Variants in MPP4 observed in about 807,000 individuals in gnomAD.
MPP4 encodes the protein MAGUK p55 subfamily member 4.
A neutral mutation model predicts 98.3 loss-of-function variants in MPP4; 91 were observed. The observed-to-expected ratio is 0.93, with a 90% CI of 0.78 to 1.10. The LOEUF (loss-of-function observed/expected upper bound fraction) is 1.10. MPP4 is among the 50% of genes least tolerant of loss of function. The pLI is 0.00. For synonymous variants in MPP4, 261 were observed against 271.8 expected (o/e 0.96, Z 0.39); for missense variants, 744 against 792.9 (o/e 0.94, Z 0.74).
chr2:201,657,606 TTTG>T lies in MPP4; in HGVS notation c.1129+868_1129+870del, dbSNP rs1553492623. On this transcript the variant is annotated intron_variant, in intron 16 of 21. Coordinates refer to ENST00000409474, the MANE Select transcript of MPP4 (RefSeq NM_033066.3). ...CTGGCCCTTGTTTTTTTTTTGTTTTTTTGTTTTTTTTTGCTTATTGTATCAATC... is the reference window on the plus strand; with the variant it reads ...CTGGCCCTTGTTTTTTTTTTGTTTTTTTTTTTTTTGCTTATTGTATCAATC... Among the ~76,000 whole-genome samples, 97 of 125,594 alleles carry T rather than the reference TTTG, an allele frequency of 7.7e-4. 17 individuals carry two copies. Among genetic ancestry groups the T allele is most frequent in the Non-Finnish European group, 1.2e-3 (69 of 59,158 alleles). The allele number at this position is 125,594 out of a possible 152,430, so 82.4% of individuals were successfully genotyped here.
intron 12 of MPP4, among the ~76,000 whole-genome samples, chr2:201,668,481 T>TTC (rs1688246852): frequency 1.3e-5 from 2 of 151,566 alleles, no homozygotes; most frequent in African/African-American, 4.9e-5. Flanking sequence ...TCTCTTCCTC[T>TTC]CTCTCTCTCT....
intron 1 of MPP4, among the ~76,000 whole-genome samples, chr2:201,694,930 C>T (rs959148689): frequency 2.0e-5 from 3 of 152,060 alleles, no homozygotes; most frequent in African/African-American, 4.8e-5. Flanking sequence ...GTTTTCTTAA[C>T]CCTATCAGAT....
At chr2:201,687,462 C>A in intron 4 of MPP4, 91 bp from the exon 5 acceptor site, 1 of 919,212 alleles carries the variant, frequency 1.1e-6, no homozygotes, top group Non-Finnish European at 1.7e-6. Flanking sequence ...TACATACTAA[C>A]ATGATATTGA....
At chr2:201,657,098 CG>C (rs1687867623) in intron 16 of MPP4, among the ~76,000 whole-genome samples, 1 of 151,954 alleles carries the variant, frequency 6.6e-6, no homozygotes, top group Admixed American at 6.6e-5. Context: ...TGGTGTAAAC[CG>C]TAGGGAGAGC....
chr2:201,688,798 G>T (rs1421942410), intron 4 of MPP4, among the ~76,000 whole-genome samples: 4 of 152,014 alleles, frequency 2.6e-5, no homozygotes, highest in Non-Finnish European at 5.9e-5. Flanking sequence ...TGTATTTTTA[G>T]TGGAGATGGG....
At chr2:201,696,009 T>C (rs768117077) in intron 1 of MPP4, among the ~76,000 whole-genome samples, 1 of 152,238 alleles carries the variant, frequency 6.6e-6, no homozygotes, top group Non-Finnish European at 1.5e-5. Flanking sequence ...GAATCTAGAC[T>C]GATTGTGGGT....
chr2:201,660,475 G>A (rs1192683373), intron 14 of MPP4, 129 bp from the exon 15 acceptor site: 10 of 986,570 alleles, frequency 1.0e-5, no homozygotes, highest in Non-Finnish European at 1.6e-5. Flanking sequence ...AAGGTAACTC[G>A]GGTAAGGCCT....
chr2:201,689,299 T>C (rs975011688), intron 4 of MPP4, among the ~76,000 whole-genome samples: 1 of 152,120 alleles, frequency 6.6e-6, no homozygotes, highest in Non-Finnish European at 1.5e-5. Flanking sequence ...CACTGTAGTC[T>C]GGGTGAAAGA....
chr2:201,674,228 G>A (rs1377775623), intron 11 of MPP4, among the ~76,000 whole-genome samples: 1 of 152,220 alleles, frequency 6.6e-6, no homozygotes, highest in Non-Finnish European at 1.5e-5. Context: ...TTGCTTGCCA[G>A]TCAGGTATAA....
At chr2:201,651,407 G>C (rs1164839154) in intron 18 of MPP4, 1 of 985,212 alleles carries the variant, frequency 1.0e-6, no homozygotes, top group Non-Finnish European at 1.2e-6. Flanking sequence ...TAGCTCTCAG[G>C]TGATAGTGAA....
rs1252266160 is a variant in MPP4, at chr2:201,650,110, C to G, written c.1437G>C (p.Val479=). ...YEMNGREYHY[V]SKETFENLIY... The stretch of plus-strand genomic sequence containing the variant: ...TGAGGTTTTCAAATGTTTCCTTGGA[C>G]ACATAGTGATACTCACGCCCATTCA... Residue 479 remains valine (V), a synonymous_variant, in exon 19 of 22, where the codon GTG becomes GTC. Transcript: ENST00000409474. 1 of 1,581,184 alleles carries G rather than the reference C, an allele frequency of 6.3e-7. No homozygotes were observed. Among genetic ancestry groups the G allele is most frequent in the Non-Finnish European group, 8.6e-7 (1 of 1,161,470 alleles).
At chr2:201,693,781 CAGTA>C in intron 2 of MPP4, 91 bp downstream of exon 2, 1 of 1,445,186 alleles carries the variant, frequency 6.9e-7, no homozygotes, top group Non-Finnish European at 9.7e-7. Flanking sequence ...ATAGGGATCA[CAGTA>C]AGTCTGTCAG....
intron 2 of MPP4, 74 bp from the exon 3 acceptor site, chr2:201,693,103 G>T: frequency 2.0e-6 from 3 of 1,528,384 alleles, no homozygotes; most frequent in Non-Finnish European, 2.7e-6. Context: ...GATAGCTGGG[G>T]CATGCCATGG....
chr2:201,646,478 T>C (rs1197314505), intron 21 of MPP4, among the ~76,000 whole-genome samples: 2 of 152,176 alleles, frequency 1.3e-5, no homozygotes, highest in African/African-American at 4.8e-5. Flanking sequence ...GAAACACAAA[T>C]GCAGGCACCA....
chr2:201,665,022 T>C (rs1370604131), intron 13 of MPP4: 2 of 162,378 alleles, frequency 1.2e-5, no homozygotes, highest in African/African-American at 5.0e-5. Context: ...GAAAAAAAGA[T>C]GGGGGTGATG....
chr2:201,667,071 A>G (rs1230489453), intron 12 of MPP4, among the ~76,000 whole-genome samples: 3 of 152,244 alleles, frequency 2.0e-5, no homozygotes, highest in African/African-American at 4.8e-5. Context: ...AAATGCACGA[A>G]AAGCTCAGGC....
intron 14 of MPP4, among the ~76,000 whole-genome samples, chr2:201,660,839 A>C (rs79478561): frequency 0.018 from 2,733 of 152,210 alleles, 107 homozygotes; most frequent in African/African-American, 0.063. Flanking sequence ...TTCCATCCCC[A>C]GCTGCCCCAT....
intron 17 of MPP4, 25 bp downstream of exon 17, chr2:201,656,173 A>G: frequency 3.8e-6 from 6 of 1,572,888 alleles, no homozygotes; most frequent in Non-Finnish European, 5.2e-6. Flanking sequence ...AAGGAGGAGG[A>G]GAGACAGTGC....
intron 4 of MPP4, 126 bp from the exon 5 acceptor site, chr2:201,687,497 C>T (rs1432689611): frequency 1.5e-6 from 1 of 658,950 alleles, no homozygotes; most frequent in Non-Finnish European, 2.5e-6. Context: ...TTACTGGAGC[C>T]TTCTTTTTCA....
Sources: allele counts gnomAD v4.1 joint callset (sites outside exome capture counted in the v4.1 genomes callset), GRCh38; gene constraint gnomAD v4.1.1; transcripts MANE v1.5; gene names NCBI Gene and HGNC (gene_info 2026-07-23, HGNC 2026-07-21).